Variants in TAOK2 observed in about 807,000 individuals in gnomAD.
TAOK2 encodes the protein TAO kinase 2, also known as serine/threonine-protein kinase TAO2.
TAOK2 carries 42 observed loss-of-function variants against 122.5 expected under a neutral mutation model. The observed-to-expected ratio is 0.34, with a 90% CI of 0.27 to 0.44. The LOEUF is 0.44. Among genes scored for constraint, TAOK2 ranks in the 20% least tolerant of loss-of-function variants. The pLI is 1.00. For synonymous variants in TAOK2, 704 were observed against 677.6 expected, an observed-to-expected ratio of 1.04 and a Z score of -0.61; for missense variants, 1,264 against 1,644.9, an observed-to-expected ratio of 0.77 and a Z score of 4.01.
At chr16:29,990,008 A>G (rs1476871548), downstream of TAOK2, 4 of 586,302 alleles carry the variant, frequency 6.8e-6, no homozygotes, top group Admixed American at 1.2e-4. Flanking sequence ...GTATTTTCTT[A>G]AGGTCTTGAC....
downstream of TAOK2, chr16:29,991,149 A>G (rs756843149): frequency 5.6e-6 from 9 of 1,610,830 alleles, no homozygotes; most frequent in African/African-American, 1.1e-4. This position sits in a 1 kb window ranked among gnomAD's most constrained non-coding sequence, Gnocchi z 5.6. Context: ...TGCGGAAAGC[A>G]TGAGGCTGGG....
intron 11 of TAOK2, 62 bp from the exon 12 acceptor site, chr16:29,983,010 C>T (rs1596605883): frequency 6.2e-7 from 1 of 1,607,726 alleles, no homozygotes; most frequent in African/African-American, 1.3e-5. Flanking sequence ...TCCCATGCTA[C>T]CTCCATGCAT....
chr16:29,978,716 C>G, intron 4 of TAOK2, 83 bp from the exon 5 acceptor site: 1 of 1,531,576 alleles, frequency 6.5e-7, no homozygotes, highest in Non-Finnish European at 9.0e-7. Context: ...GGGGACATAG[C>G]TTGAGTACAG....
chr16:29,991,484 T>G, downstream of TAOK2: 1 of 1,481,658 alleles, frequency 6.7e-7, no homozygotes, highest in South Asian at 1.4e-5. The surrounding 1 kb of genome is among the most constrained non-coding windows in gnomAD (Gnocchi z 5.6). Context: ...TGGGCCCCCC[T>G]GCTGCCGCGG....
rs760242564 is a variant in TAOK2 at position 29,987,359 on chromosome 16, C to T, written c.3087C>T (p.Val1029=). The change falls in exon 16 of 16, where the codon GTC becomes GTT. Residue 1029 remains valine, a synonymous_variant. Coordinates refer to ENST00000308893, the MANE Select transcript of TAOK2 (RefSeq NM_016151.4). The part of the protein sequence containing the change: ...LLAQGTALGA[V]LGLSWRRGLM... ...CCCAGGGTACCGCACTGGGGGCCGT[C>T]CTGGGCCTGAGCTGGCGCCGAGGCC... 2.3e-5 allele frequency: 36 copies of T among 1,589,674 alleles called. No individual in the cohort carries two copies. Among genetic ancestry groups the T allele is most frequent in the African/African-American group, 2.7e-5 (2 of 74,098 alleles).
downstream of TAOK2, chr16:29,988,839 G>A (rs2069896812): frequency 1.0e-6 from 1 of 985,310 alleles, no homozygotes; most frequent in Non-Finnish European, 1.2e-6. Context: ...TATGAAGGCT[G>A]TGGCAGCAGG....
At chr16:29,983,957 G>A (rs1238906515) in intron 13 of TAOK2, among the ~76,000 whole-genome samples, 1 of 152,200 alleles carries the variant, frequency 6.6e-6, no homozygotes, top group East Asian at 1.9e-4. Flanking sequence ...CCTCTGGTGA[G>A]TCAGATGCTT....
At position 29,987,067 on chromosome 16, in the gene TAOK2, C is replaced by T. The variant is rs2150904626; in HGVS notation, c.2795C>T (p.Pro932Leu). The stretch of plus-strand genomic sequence containing the variant: ...CCCGACATCCCTCCTGAACCCCCTC[C>T]AACACACCTGAGGCCCTGCCCTGCC... The part of the protein sequence containing the change: ...PSPDIPPEPP[P>L]THLRPCPASQ... Residue 932 changes from proline to leucine, a missense_variant, in exon 16 of 16, where the codon CCA becomes CTA. Physicochemically the swap from Pro to Leu is moderately conservative, Grantham distance 98 (BLOSUM62 -3). Coordinates refer to ENST00000308893, the MANE Select transcript of TAOK2 (RefSeq NM_016151.4). The T allele has an allele frequency of 6.2e-7, 1 of 1,613,554 alleles. No individual in the cohort carries two copies. The highest frequency in any genetic ancestry group is 8.5e-7 in the Non-Finnish European group (1 of 1,179,632).
At chr16:29,980,443 C>CAA (rs2069578793) in intron 8 of TAOK2, 3 of 152,310 alleles carry the variant, frequency 2.0e-5, no homozygotes, top group Non-Finnish European at 2.9e-5. Context: ...CCATGAGTGG[C>CAA]CCCCTGTTGC....
intron 8 of TAOK2, chr16:29,981,105 C>T (rs537263592): frequency 6.1e-6 from 1 of 163,924 alleles, no homozygotes; most frequent in South Asian, 1.9e-4. Context: ...CGACTCTTAG[C>T]TTGCACTTAC....
At position 29,986,442 on chromosome 16, in the gene TAOK2, C is replaced by A. The variant is rs756682464; in HGVS notation, c.2170C>A (p.Arg724Ser). 6.2e-7 allele frequency: 1 copy of A among 1,608,350 alleles called. No individual in the cohort carries two copies. The highest frequency in any genetic ancestry group is 1.7e-5 in the Admixed American group (1 of 58,828). ...LGNQLEYNKR[R>S]EQELRQKHAA... ...CAACCAGCTGGAGTACAACAAGCGG[C>A]GTGAGCAAGAGTTGCGGCAGAAGCA... is the stretch of plus-strand genomic sequence containing the variant. The change falls in exon 16 of 16, where the codon CGT becomes AGT. Residue 724 changes from arginine to serine, a missense_variant. Coordinates refer to ENST00000308893, the MANE Select transcript of TAOK2 (RefSeq NM_016151.4). This position sits in a 1 kb window ranked among gnomAD's most constrained non-coding sequence, Gnocchi z 4.2.
intron 1 of TAOK2, among the ~76,000 whole-genome samples, chr16:29,975,891 C>G (rs964763264): frequency 6.6e-6 from 1 of 152,110 alleles, no homozygotes; most frequent in Non-Finnish European, 1.5e-5. Context: ...AAGAGAAGAC[C>G]AAGAACTGGA....
In TAOK2 at chr16:29,988,028, C is replaced by T; in HGVS notation, c.*48C>T. The stretch of plus-strand genomic sequence containing the variant: ...AAATCTAGAGCATTGAGCACTTTAT[C>T]TCCCACGACTCAGTGAAGTTTCTCC... On this transcript the variant is annotated 3_prime_UTR_variant, in exon 16 of 16. Coordinates refer to ENST00000308893, the MANE Select transcript of TAOK2 (RefSeq NM_016151.4). 1 of 1,487,834 alleles carries T rather than the reference C, an allele frequency of 6.7e-7. No individual in the cohort carries two copies. Among genetic ancestry groups the T allele is most frequent in the Non-Finnish European group, 8.9e-7 (1 of 1,127,472 alleles). 92.2% of individuals were successfully genotyped at this position (1,487,834 alleles called of 1,614,324 possible).
In TAOK2 at chr16:29,974,235, C is replaced by T. The variant is rs545157068; in HGVS notation, c.-449C>T. 1.3e-5 allele frequency: 2 copies of T among 152,658 alleles called. No homozygotes were observed. Among genetic ancestry groups the T allele is most frequent in the South Asian group, 2.1e-4 (1 of 4,830 alleles). The allele number at this position is 152,658 out of a possible 1,614,324, so 9.5% of individuals were successfully genotyped here. A position where few individuals can be genotyped will look rare whatever the true frequency, so the allele number is the denominator to read the frequency against. ...GTAACAGTCCTCATAGTCCAGATAT[C>T]CGGGACTCGGGTCCCAACCTCTCTA... On this transcript the variant is annotated 5_prime_UTR_variant, in exon 1 of 16. Coordinates refer to ENST00000308893, the MANE Select transcript of TAOK2 (RefSeq NM_016151.4).
chr16:29,985,829 C>G lies in TAOK2; in HGVS notation c.1960C>G (p.Arg654Gly), dbSNP rs551868876. The G allele has an allele frequency of 1.2e-6, 2 of 1,611,796 alleles. No homozygotes were observed. The highest frequency in any genetic ancestry group is 1.1e-5 in the South Asian group (1 of 90,962). The part of the protein sequence containing the change: ...RQYKRKMLLA[R>G]HSLDQDLLRE... ...GTACAAGCGCAAGATGTTGCTGGCT[C>G]GGCACAGCCTGGACCAGGACCTGCT... The change falls in exon 15 of 16, where the codon CGG becomes GGG. Residue 654 changes from arginine to glycine, a missense_variant. Coordinates refer to ENST00000308893, the MANE Select transcript of TAOK2 (RefSeq NM_016151.4). The surrounding 1 kb of genome is among the most constrained non-coding windows in gnomAD (Gnocchi z 6.9).
At position 29,986,633 on chromosome 16, in the gene TAOK2, A is replaced by T. The variant is rs751742851; in HGVS notation, c.2361A>T (p.Arg787Ser). 6.2e-7 allele frequency: 1 copy of T among 1,611,788 alleles called. No homozygotes were observed. Among genetic ancestry groups the T allele is most frequent in the African/African-American group, 1.3e-5 (1 of 74,818 alleles). ...GCCAGGAGGCAGTCCTGGACCAAAGAATGCTTGGCGAGGAGGAGGAAGCAG... is the reference window on the plus strand; with the variant it reads ...GCCAGGAGGCAGTCCTGGACCAAAGTATGCTTGGCGAGGAGGAGGAAGCAG... Reference protein sequence around the residue: ...SPGQEAVLDQRMLGEEEEAVG... With the variant: ...SPGQEAVLDQSMLGEEEEAVG... The change falls in exon 16 of 16, where the codon AGA (arginine) becomes AGT (serine). Residue 787 changes from arginine to serine, a missense_variant. Arg to Ser is a moderately radical substitution (Grantham distance 110, BLOSUM62 -1). Coordinates refer to ENST00000308893, the MANE Select transcript of TAOK2 (RefSeq NM_016151.4). This position sits in a 1 kb window ranked among gnomAD's most constrained non-coding sequence, Gnocchi z 4.2.
In TAOK2 at chr16:29,987,329, C is replaced by T. The variant is rs1441916374; in HGVS notation, c.3057C>T (p.Leu1019=). The change falls in exon 16 of 16, where the codon CTC becomes CTT. Residue 1019 remains leucine (L), a synonymous_variant. Transcript: ENST00000308893. ...ALHLPSSLFL[L]LAQGTALGAV... ...ACCTGCCCTCCAGTCTTTTCCTACTCCTGGCCCAGGGTACCGCACTGGGGG... is the reference window on the plus strand; with the variant it reads ...ACCTGCCCTCCAGTCTTTTCCTACTTCTGGCCCAGGGTACCGCACTGGGGG... 6.5e-7 allele frequency: 1 copy of T among 1,530,622 alleles called. No homozygotes were observed. The highest frequency in any genetic ancestry group is 1.3e-5 in the South Asian group (1 of 77,330). 94.8% of individuals were successfully genotyped at this position (1,530,622 alleles called of 1,614,324 possible).
In TAOK2 at chr16:29,974,267, G is replaced by A. The variant is rs2069385507; in HGVS notation, c.-417G>A. On this transcript the variant is annotated 5_prime_UTR_variant, in exon 1 of 16. Coordinates refer to ENST00000308893, the MANE Select transcript of TAOK2 (RefSeq NM_016151.4). Reference sequence around the variant, plus strand: ...TCGGGTCCCAACCTCTCTAAACCTGGGTCTCTGTTTCATAGAATTTCAAAT... The same window carrying A: ...TCGGGTCCCAACCTCTCTAAACCTGAGTCTCTGTTTCATAGAATTTCAAAT... The A allele has an allele frequency of 6.6e-6, 1 of 152,566 alleles. No homozygotes were observed. The highest frequency in any genetic ancestry group is 1.5e-5 in the Non-Finnish European group (1 of 68,024). 9.5% of individuals were successfully genotyped at this position (152,566 alleles called of 1,614,324 possible). A position where few individuals can be genotyped will look rare whatever the true frequency, so the allele number is the denominator to read the frequency against.
At chr16:29,990,886 C>T (rs760079819), downstream of TAOK2, 5 of 1,613,534 alleles carry the variant, frequency 3.1e-6, no homozygotes, top group East Asian at 2.2e-5. Flanking sequence ...GATCAAGATC[C>T]GCACAGAGAG....
Sources: gnomAD v4.1 joint callset for allele counts (sites outside exome capture counted in the v4.1 genomes callset) on GRCh38, gnomAD v4.1.1 for gene constraint, Gnocchi (gnomAD v3.1) non-coding constraint, MANE v1.5 for transcripts, NCBI Gene and HGNC (gene_info 2026-07-23, HGNC 2026-07-21) for gene names.